Variants in LARS1 observed in about 807,000 individuals in gnomAD.
The protein encoded by LARS1 is leucyl-tRNA synthetase 1.
In LARS1, 100 loss-of-function variants were observed where a neutral mutation model predicts 162.8. The ratio of observed to expected loss-of-function variants is 0.61; its 90% CI spans 0.52 to 0.73. The LOEUF (loss-of-function observed/expected upper bound fraction) is 0.73, where lower values mean the gene tolerates loss of function less well. LARS1 is among the 30% of genes least tolerant of loss of function. The probability of loss-of-function intolerance (pLI) is 0.00; values close to 1 mark genes in which losing one functional copy is unlikely to be tolerated. For missense variants in LARS1, 1,258 were observed against 1,408.9 expected (o/e 0.89, Z 1.71); for synonymous variants, 457 against 462.8 (o/e 0.99, Z 0.16).
intron 2 of LARS1, among the ~76,000 whole-genome samples, chr5:146,174,202 C>A (rs1443137076): frequency 1.4e-5 from 2 of 144,114 alleles, no homozygotes; most frequent in Non-Finnish European, 3.0e-5. Flanking sequence ...CTAATCCCAG[C>A]ACTTTGGGAG....
chr5:146,150,942 G>GACAGACACACAC, intron 14 of LARS1, among the ~76,000 whole-genome samples: 1 of 134,902 alleles, frequency 7.4e-6, no homozygotes, highest in South Asian at 2.5e-4. Context: ...CCGTCAGATA[G>GACAGACACACAC]ACACACACAC....
At chr5:146,182,413 C>T in intron 1 of LARS1, 75 bp downstream of exon 1, 1 of 1,580,662 alleles carries the variant, frequency 6.3e-7, no homozygotes, top group Non-Finnish European at 8.7e-7. Flanking sequence ...CCCTTCAGGA[C>T]AGCACATGGA....
chr5:146,177,516 A>AT (rs1490272739), intron 2 of LARS1, 31 bp downstream of exon 2: 1 of 556,146 alleles, frequency 1.8e-6, no homozygotes, highest in Non-Finnish European at 3.1e-6. Context: ...ATAGAAATAC[A>AT]ATGTGCAGAA....
At chr5:146,132,748 C>T (rs766983034) in intron 23 of LARS1, 150 bp downstream of exon 23, 33 of 593,712 alleles carry the variant, frequency 5.6e-5, no homozygotes, top group Non-Finnish European at 7.0e-5. Context: ...GCATAGTACC[C>T]GGCACAAGTA....
At chr5:146,167,532 T>C (rs201729873) in intron 5 of LARS1, among the ~76,000 whole-genome samples, 1 of 151,792 alleles carries the variant, frequency 6.6e-6, no homozygotes, top group East Asian at 1.9e-4. Context: ...GCCTCCCGAG[T>C]AGCTGGGAAT....
At chr5:146,146,489 T>A in intron 15 of LARS1, among the ~76,000 whole-genome samples, 1 of 50,268 alleles carries the variant, frequency 2.0e-5, no homozygotes, top group Non-Finnish European at 3.8e-5. Context: ...TAAAATAAAA[T>A]AGAGGTTAGA....
chr5:146,119,470 T>A (rs188703155), intron 31 of LARS1, among the ~76,000 whole-genome samples: 1 of 152,296 alleles, frequency 6.6e-6, no homozygotes, highest in East Asian at 1.9e-4. Context: ...TAAATCTTTT[T>A]AGAAAATTTT....
intron 5 of LARS1, among the ~76,000 whole-genome samples, chr5:146,166,331 T>G (rs958271568): frequency 1.4e-4 from 21 of 152,156 alleles, no homozygotes; most frequent in Admixed American, 1.0e-3. Context: ...CTAGAACAAT[T>G]TATTTATTCT....
intron 13 of LARS1, among the ~76,000 whole-genome samples, chr5:146,152,383 C>G (rs2126517280): frequency 6.6e-6 from 1 of 152,278 alleles, no homozygotes; most frequent in African/African-American, 2.4e-5. Flanking sequence ...CATTAGGAAC[C>G]AGGCTGCACA....
chr5:146,176,055 GGAA>G (rs983209935), intron 2 of LARS1, among the ~76,000 whole-genome samples: 5 of 152,038 alleles, frequency 3.3e-5, no homozygotes, highest in South Asian at 4.1e-4. Flanking sequence ...AGAAGGCCGA[GGAA>G]GAAGGATTGC....
intron 5 of LARS1, among the ~76,000 whole-genome samples, chr5:146,165,162 C>T (rs763312785): frequency 6.6e-6 from 1 of 152,012 alleles, no homozygotes; most frequent in African/African-American, 2.4e-5. Context: ...GGTGAAACCC[C>T]ATCTCTACTA....
chr5:146,178,352 G>A (rs906444378), intron 1 of LARS1, among the ~76,000 whole-genome samples: 11 of 152,070 alleles, frequency 7.2e-5, no homozygotes, highest in Non-Finnish European at 1.3e-4. Context: ...GGTGGCTCAC[G>A]CCTGTAATCC....
intron 18 of LARS1, among the ~76,000 whole-genome samples, chr5:146,144,020 C>T (rs1246163931): frequency 6.6e-6 from 1 of 151,978 alleles, no homozygotes; most frequent in Non-Finnish European, 1.5e-5. Flanking sequence ...AAAAAAAAGA[C>T]AAATGGTTGA....
chr5:146,138,954 T>C, intron 21 of LARS1: 1 of 370,506 alleles, frequency 2.7e-6, no homozygotes, highest in Non-Finnish European at 5.3e-6. Context: ...ACAATCTTCC[T>C]GCTAAGGCTA....
chr5:146,168,237 A>C lies in LARS1; in HGVS notation c.323T>G (p.Ile108Arg). ...ATCAGGGGGGCAACCATACAGCTCT[A>C]TTTCTCTTTTCAACTTATCAGCACA... Reference protein sequence around the residue: ...KACADKLKREIELYGCPPDFP... With the variant: ...KACADKLKRERELYGCPPDFP... The change falls in exon 5 of 32, where the codon ATA becomes AGA. Residue 108 changes from isoleucine to arginine, a missense_variant. Ile to Arg is a moderately conservative substitution (Grantham distance 97). Transcript: ENST00000394434. 2.5e-6 allele frequency: 4 copies of C among 1,612,916 alleles called. No individual in the cohort carries two copies. The highest frequency in any genetic ancestry group is 3.4e-6 in the Non-Finnish European group (4 of 1,179,702).
chr5:146,168,287 A>G, intron 4 of LARS1, 22 bp from the exon 5 acceptor site: 2 of 1,577,328 alleles, frequency 1.3e-6, no homozygotes, highest in Non-Finnish European at 1.7e-6. Flanking sequence ...ATTAGAGATA[A>G]TGAAGTTCAA....
At chr5:146,146,039 C>T (rs1459650785) in intron 15 of LARS1, among the ~76,000 whole-genome samples, 1 of 152,142 alleles carries the variant, frequency 6.6e-6, no homozygotes, top group Non-Finnish European at 1.5e-5. Flanking sequence ...TAGAAAGAGA[C>T]TCAGAAATTG....
intron 31 of LARS1, among the ~76,000 whole-genome samples, chr5:146,115,061 A>C (rs892749011): frequency 8.0e-5 from 12 of 150,806 alleles, no homozygotes; most frequent in South Asian, 2.1e-4. Flanking sequence ...AAAAAAAAAA[A>C]AAAAAACAAT....
In LARS1 at chr5:146,126,468, C is replaced by T; in HGVS notation, c.2958G>A (p.Met986Ile). The change falls in exon 28 of 32, where the codon ATG becomes ATA. Residue 986 changes from methionine (M) to isoleucine (I), a missense_variant. Coordinates refer to ENST00000394434, the MANE Select transcript of LARS1 (RefSeq NM_020117.11). ...TGGCAACAAATGGCATGACTTTCTT[C>T]ATGTATTTCTTCAGTTCTGGCATAC... ...LGSMPELKKY[M>I]KKVMPFVAMI... 6.2e-7 allele frequency: 1 copy of T among 1,612,020 alleles called. No individual in the cohort carries two copies. Among genetic ancestry groups the T allele is most frequent in the Admixed American group, 1.7e-5 (1 of 59,836 alleles).
Sources: gnomAD v4.1 joint callset for allele counts (sites outside exome capture counted in the v4.1 genomes callset) on GRCh38, gnomAD v4.1.1 for gene constraint, MANE v1.5 for transcripts, NCBI Gene and HGNC (gene_info 2026-07-23, HGNC 2026-07-21) for gene names.